The following RPS6KA2 variants were observed in gnomAD, a reference collection of about 807,000 sequenced individuals.
The protein encoded by RPS6KA2 is ribosomal protein S6 kinase A2, also known as ribosomal protein S6 kinase alpha-2.
A neutral mutation model predicts 91.8 loss-of-function variants in RPS6KA2; 42 were observed. That is an observed-to-expected ratio of 0.46 (90% CI 0.36 to 0.59). RPS6KA2 has a LOEUF of 0.59. Ranked by LOEUF, RPS6KA2 falls within the 20% of genes least tolerant of loss-of-function variation. RPS6KA2 has a pLI of 0.00. For synonymous variants in RPS6KA2, 414 were observed against 393.6 expected (o/e 1.05, Z -0.61); for missense variants, 798 against 978.5 (o/e 0.82, Z 2.46).
chr6:166,838,912 G>A lies in RPS6KA2; in HGVS notation c.123+19288C>T, dbSNP rs952456710. Reference sequence around the variant, plus strand: ...CATAAGAGGAAGGCAGCAGGTCAGAGTCAGAGGACGAGATGTGGCCATGGA... The same window carrying A: ...CATAAGAGGAAGGCAGCAGGTCAGAATCAGAGGACGAGATGTGGCCATGGA... On this transcript the variant is annotated intron_variant, in intron 2 of 21. Coordinates refer to the RPS6KA2 transcript ENST00000503859. Among the ~76,000 whole-genome samples, 11 of 137,734 alleles carry A rather than the reference G, an allele frequency of 8.0e-5. 1 individual carries two copies. The highest frequency in any genetic ancestry group is 3.2e-4 in the African/African-American group (9 of 27,782). The allele number at this position is 137,734 out of a possible 152,430, so 90.4% of individuals were successfully genotyped here. A position where few individuals can be genotyped will look rare whatever the true frequency, so the allele number is the denominator to read the frequency against.
rs188062718 is a variant in RPS6KA2 at position 166,477,723 on chromosome 6, C to G, written c.908-7818G>C. On this transcript the variant is annotated intron_variant, in intron 10 of 20. Transcript: ENST00000265678. ...TCCAGGAGTTCGAGACCAGCCTGGGCAACATAGCGGGGCCCCTTCTCTACA... is the reference window on the plus strand; with the variant it reads ...TCCAGGAGTTCGAGACCAGCCTGGGGAACATAGCGGGGCCCCTTCTCTACA... Among the ~76,000 whole-genome samples the G allele has an allele frequency of 1.2e-3, 178 of 152,260 alleles. 1 individual carries two copies. In the Middle Eastern group the frequency reaches 0.037, roughly 32 times the overall value.
At position 166,423,583 on chromosome 6, in the gene RPS6KA2, G is replaced by GC. The variant is rs539961723; in HGVS notation, c.1582-167dup. Among the ~76,000 whole-genome samples the GC allele has an allele frequency of 3.9e-4, 60 of 152,210 alleles. No homozygotes were observed. In the East Asian group the frequency reaches 4.4e-3, roughly 11 times the overall value. ...CAACAGCTGCTGTCTTCTCCAGAGG[G>GC]CCCCCCACCTTCTCCCATTCTCCTG... On this transcript the variant is annotated intron_variant, in intron 16 of 20. Transcript: ENST00000265678. The surrounding 1 kb of genome is among the most constrained non-coding windows in gnomAD (Gnocchi z 4.8).
At chr6:166,561,838 G>A (rs1405094550) in intron 1 of RPS6KA2, among the ~76,000 whole-genome samples, 1 of 152,148 alleles carries the variant, frequency 6.6e-6, no homozygotes, top group African/African-American at 2.4e-5. Context: ...TTGAGAGGGA[G>A]GCTCTGGAGC....
chr6:166,813,666 A>G (rs2128621104), intron 2 of RPS6KA2, among the ~76,000 whole-genome samples: 1 of 152,260 alleles, frequency 6.6e-6, no homozygotes, highest in Middle Eastern at 3.4e-3. Context: ...CCCTTGGTGT[A>G]TAGATGCGTC....
At chr6:166,691,709 C>T (rs1789210616) in intron 2 of RPS6KA2, among the ~76,000 whole-genome samples, 1 of 152,116 alleles carries the variant, frequency 6.6e-6, no homozygotes, top group South Asian at 2.1e-4. Flanking sequence ...TTTCTAAGGC[C>T]CCTATCTAAA....
intron 2 of RPS6KA2, among the ~76,000 whole-genome samples, chr6:166,806,739 A>G (rs1583139673): frequency 6.6e-6 from 1 of 152,366 alleles, no homozygotes; most frequent in East Asian, 1.9e-4. Flanking sequence ...AAAAATTAGC[A>G]TAATTCCAAC....
At chr6:166,855,303 C>T (rs1258423853) in intron 2 of RPS6KA2, among the ~76,000 whole-genome samples, 1 of 151,738 alleles carries the variant, frequency 6.6e-6, no homozygotes, top group Non-Finnish European at 1.5e-5. Context: ...CATAACGAAA[C>T]TGCATTTATA....
intron 2 of RPS6KA2, among the ~76,000 whole-genome samples, chr6:166,747,591 C>T (rs1316464872): frequency 1.3e-5 from 2 of 152,226 alleles, no homozygotes; most frequent in Non-Finnish European, 2.9e-5. Flanking sequence ...TTCCTTCCCC[C>T]TTTCCACCAC....
chr6:166,572,736 G>A (rs966292917), intron 1 of RPS6KA2, among the ~76,000 whole-genome samples: 1 of 152,204 alleles, frequency 6.6e-6, no homozygotes, highest in Non-Finnish European at 1.5e-5. Context: ...GAGGGTCCTT[G>A]GGGGACACAA....
At chr6:166,479,938 G>A (rs1488766297) in intron 10 of RPS6KA2, among the ~76,000 whole-genome samples, 1 of 152,186 alleles carries the variant, frequency 6.6e-6, no homozygotes, top group Admixed American at 6.5e-5. Flanking sequence ...AGTGCATGCA[G>A]AATGGCCTCA....
At chr6:166,755,317 A>G (rs1282356464) in intron 2 of RPS6KA2, among the ~76,000 whole-genome samples, 1 of 152,064 alleles carries the variant, frequency 6.6e-6, no homozygotes, top group African/African-American at 2.4e-5. Flanking sequence ...GGGCATGGCA[A>G]AAACCTTATG....
chr6:166,620,013 C>A (rs1167580798), intron 1 of RPS6KA2, among the ~76,000 whole-genome samples: 2 of 152,168 alleles, frequency 1.3e-5, no homozygotes, highest in African/African-American at 2.4e-5. Context: ...AGCCCACAGG[C>A]CCTTGGCAGG....
At chr6:166,416,577 C>T (rs1361048118) in intron 19 of RPS6KA2, among the ~76,000 whole-genome samples, 1 of 151,978 alleles carries the variant, frequency 6.6e-6, no homozygotes, top group East Asian at 1.9e-4. Flanking sequence ...ATGATCACCT[C>T]CACGATCACT....
Position 166,626,984 on chromosome 6 carries a change from C to A in RPS6KA2, c.36G>T (p.Arg12Ser). Residue 12 changes from arginine (R) to serine (S), a missense_variant, in exon 1 of 21, where the codon AGG becomes AGT. Physicochemically the swap from Arg to Ser is moderately radical, Grantham distance 110. Coordinates refer to ENST00000265678, the MANE Select transcript of RPS6KA2 (RefSeq NM_021135.6). The surrounding 1 kb of genome is among the most constrained non-coding windows in gnomAD (Gnocchi z 4.1). Reference protein sequence around the residue: ...DLSMKKFAVRRFFSVYLRRKS... With the variant: ...DLSMKKFAVRSFFSVYLRRKS... Reference sequence around the variant, plus strand: ...TCCTGCGCAGGTACACAGAGAAGAACCTGCGCACGGCGAACTTCTTCATGC... The same window carrying A: ...TCCTGCGCAGGTACACAGAGAAGAAACTGCGCACGGCGAACTTCTTCATGC... 1.3e-6 allele frequency: 2 copies of A among 1,555,056 alleles called. No individual in the cohort carries two copies. Among genetic ancestry groups the A allele is most frequent in the Non-Finnish European group, 1.7e-6 (2 of 1,149,496 alleles).
intron 2 of RPS6KA2, among the ~76,000 whole-genome samples, chr6:166,801,939 G>A (rs1391835337): frequency 6.6e-6 from 1 of 151,710 alleles, no homozygotes; most frequent in African/African-American, 2.4e-5. Flanking sequence ...AATCTGAGAG[G>A]AAAATTAAAA....
rs538286588 is a variant in RPS6KA2 at position 166,619,300 on chromosome 6, C to A, written c.99+7621G>T. ...GATTCCCGCAGCCCGTCTGTTCAGT[C>A]CCTGAAGTGATGAGAAACCAAGAAG... On this transcript the variant is annotated intron_variant, in intron 1 of 20. Coordinates refer to ENST00000265678, the MANE Select transcript of RPS6KA2 (RefSeq NM_021135.6). Among the ~76,000 whole-genome samples, 24 of 152,332 alleles carry A rather than the reference C, an allele frequency of 1.6e-4. No individual in the cohort carries two copies. In the South Asian group the frequency reaches 5.0e-3, roughly 32 times the overall value.
At chr6:166,714,565 C>G (rs1053835410) in intron 2 of RPS6KA2, among the ~76,000 whole-genome samples, 3 of 152,174 alleles carry the variant, frequency 2.0e-5, no homozygotes, top group Non-Finnish European at 4.4e-5. Flanking sequence ...ACTGGTGTCC[C>G]TAAAGGAGGA....
At chr6:166,616,119 AC>A (rs973649252) in intron 1 of RPS6KA2, among the ~76,000 whole-genome samples, 1 of 151,460 alleles carries the variant, frequency 6.6e-6, no homozygotes, top group African/African-American at 2.4e-5. Flanking sequence ...GTCAGACCAC[AC>A]CCCGGCTGAC....
intron 1 of RPS6KA2, among the ~76,000 whole-genome samples, chr6:166,574,719 G>A (rs1344658761): frequency 2.0e-5 from 3 of 152,146 alleles, no homozygotes; most frequent in Non-Finnish European, 4.4e-5. Flanking sequence ...TTCTGCAAGA[G>A]TATTTTAAAT....
Sources: gnomAD v4.1 joint callset for allele counts (sites outside exome capture counted in the v4.1 genomes callset) on GRCh38, gnomAD v4.1.1 for gene constraint, Gnocchi (gnomAD v3.1) non-coding constraint, MANE v1.5 for transcripts, NCBI Gene and HGNC (gene_info 2026-07-23, HGNC 2026-07-21) for gene names.